The following CEP112 variants were observed in gnomAD, a reference collection of about 807,000 sequenced individuals.
CEP112 encodes the protein centrosomal protein of 112 kDa.
In CEP112, 127 loss-of-function variants were observed where a neutral mutation model predicts 153.0. The ratio of observed to expected loss-of-function variants is 0.83; its 90% confidence interval spans 0.72 to 0.96. The LOEUF (loss-of-function observed/expected upper bound fraction) is 0.96, where lower values mean the gene tolerates loss of function less well. Ranked by LOEUF, CEP112 falls within the 40% of genes least tolerant of loss-of-function variation. The pLI is 0.00. For missense variants in CEP112, 1,089 were observed against 1,101.2 expected (o/e 0.99, Z 0.16); for synonymous variants, 358 against 374.4 (o/e 0.96, Z 0.51).
chr17:65,842,886 AT>A (rs2057575032), intron 21 of CEP112, among the ~76,000 whole-genome samples: 1 of 152,086 alleles, frequency 6.6e-6, no homozygotes, highest in African/African-American at 2.4e-5. Context: ...GCCAATAATT[AT>A]TTTTTAAGGT....
At chr17:66,170,544 C>G (rs1188628293) in intron 4 of CEP112, among the ~76,000 whole-genome samples, 1 of 152,122 alleles carries the variant, frequency 6.6e-6, no homozygotes, top group African/African-American at 2.4e-5. Context: ...GTGGGCATAT[C>G]ACTTAAGGTC....
At chr17:65,859,471 G>GA (rs1568127324) in intron 20 of CEP112, among the ~76,000 whole-genome samples, 3 of 148,084 alleles carry the variant, frequency 2.0e-5, no homozygotes, top group Non-Finnish European at 3.0e-5. Context: ...GAAAAGAAAA[G>GA]AAAAAACATT....
chr17:65,753,357 T>G (rs1480229787), intron 21 of CEP112, among the ~76,000 whole-genome samples: 1 of 152,184 alleles, frequency 6.6e-6, no homozygotes, highest in East Asian at 1.9e-4. Flanking sequence ...TACAAGCCCT[T>G]TGCCTCTTCT....
In CEP112 at chr17:66,088,279, G is replaced by T. The variant is rs1357376061; in HGVS notation, c.768+7972C>A. On this transcript the variant is annotated intron_variant, in intron 8 of 26. Coordinates refer to ENST00000535342, the MANE Select transcript of CEP112 (RefSeq NM_001199165.4). ...ATTTGGCACAATGCAAGATCCCACAGCCCCAGGTTCCAAAGCCAGCCCAGC... is the reference window on the plus strand; with the variant it reads ...ATTTGGCACAATGCAAGATCCCACATCCCCAGGTTCCAAAGCCAGCCCAGC... 2.6e-5 allele frequency among the ~76,000 whole-genome samples: 4 copies of T among 151,942 alleles called. No individual in the cohort carries two copies. In the South Asian group the frequency reaches 6.2e-4, roughly 24 times the overall value.
At chr17:65,768,739 T>C (rs2053157872) in intron 21 of CEP112, among the ~76,000 whole-genome samples, 1 of 152,132 alleles carries the variant, frequency 6.6e-6, no homozygotes, top group Non-Finnish European at 1.5e-5. Context: ...CGATGTCTGA[T>C]TTGATAAAAA....
At chr17:66,129,174 G>A (rs1045217355) in intron 6 of CEP112, among the ~76,000 whole-genome samples, 11 of 151,914 alleles carry the variant, frequency 7.2e-5, no homozygotes, top group African/African-American at 1.9e-4. Context: ...CCAATGCAAC[G>A]CAGCCTGACA....
At chr17:65,991,903 C>T (rs2063610436) in intron 17 of CEP112, among the ~76,000 whole-genome samples, 1 of 152,000 alleles carries the variant, frequency 6.6e-6, no homozygotes, top group Non-Finnish European at 1.5e-5. Flanking sequence ...CCATACAAGA[C>T]CAATTTAACC....
At chr17:65,960,677 G>A (rs2062166502) in intron 18 of CEP112, among the ~76,000 whole-genome samples, 1 of 152,116 alleles carries the variant, frequency 6.6e-6, no homozygotes, top group African/African-American at 2.4e-5. Flanking sequence ...CTCTGCACAT[G>A]GCAAATTCAA....
At chr17:65,862,636 C>T (rs1349286511) in intron 20 of CEP112, among the ~76,000 whole-genome samples, 1 of 152,024 alleles carries the variant, frequency 6.6e-6, no homozygotes, top group Non-Finnish European at 1.5e-5. Context: ...GTGGTCAGTT[C>T]ATGATGTTCA....
intron 12 of CEP112, among the ~76,000 whole-genome samples, chr17:66,038,823 C>T (rs4517829): frequency 0.52 from 78,256 of 151,902 alleles, 21,086 homozygotes; most frequent in African/African-American, 0.59. Flanking sequence ...AGGCATGATA[C>T]TAGGAACTCA....
At chr17:66,169,864 G>A (rs553317107) in intron 4 of CEP112, among the ~76,000 whole-genome samples, 24 of 152,274 alleles carry the variant, frequency 1.6e-4, no homozygotes, top group African/African-American at 5.8e-4. Context: ...ATGTTCTCAT[G>A]TTTCTGCAGG....
chr17:66,021,113 G>GGA (rs1473403542), intron 16 of CEP112, among the ~76,000 whole-genome samples: 1 of 152,124 alleles, frequency 6.6e-6, no homozygotes, highest in African/African-American at 2.4e-5. Context: ...GATATAACTA[G>GGA]GAGAGAGGCC....
At chr17:66,019,414 G>A (rs1302690740) in intron 16 of CEP112, among the ~76,000 whole-genome samples, 1 of 152,098 alleles carries the variant, frequency 6.6e-6, no homozygotes, top group East Asian at 1.9e-4. Context: ...CTATCAAAAA[G>A]GATATTCCCT....
At chr17:66,008,300 C>T (rs2064360372) in intron 16 of CEP112, among the ~76,000 whole-genome samples, 1 of 152,110 alleles carries the variant, frequency 6.6e-6, no homozygotes, top group Non-Finnish European at 1.5e-5. Flanking sequence ...AAGTATACTA[C>T]AGATTATTAT....
At chr17:66,113,264 C>T (rs988290179) in intron 6 of CEP112, among the ~76,000 whole-genome samples, 1 of 151,896 alleles carries the variant, frequency 6.6e-6, no homozygotes, top group South Asian at 2.1e-4. Context: ...TGTATATATA[C>T]ATATATTAGG....
rs188175439 is a variant in CEP112, at chr17:65,680,504, C to T, written c.2697+8625G>A. 1.7e-3 allele frequency among the ~76,000 whole-genome samples: 262 copies of T among 152,216 alleles called. 1 individual carries two copies. The highest frequency in any genetic ancestry group is 6.0e-3 in the African/African-American group (251 of 41,518). On this transcript the variant is annotated intron_variant, in intron 24 of 26. Coordinates refer to ENST00000535342, the MANE Select transcript of CEP112 (RefSeq NM_001199165.4). The stretch of plus-strand genomic sequence containing the variant: ...ACCCTCCCTCTCCCTCTTTCCATCC[C>T]GTCCTTCTTCCTCCCATTAATTCAC...
At chr17:65,935,517 C>T (rs1371169561) in intron 18 of CEP112, among the ~76,000 whole-genome samples, 1 of 152,060 alleles carries the variant, frequency 6.6e-6, no homozygotes, top group Non-Finnish European at 1.5e-5. Context: ...CTATGTTAGG[C>T]TACAAAACAA....
At position 65,650,811 on chromosome 17, in the gene CEP112, C is replaced by T. The variant is rs184483080; in HGVS notation, c.2698-9746G>A. On this transcript the variant is annotated intron_variant, in intron 24 of 26. Transcript: ENST00000535342. Reference sequence around the variant, plus strand: ...AGTCCCAGCTACTCAGGGAGGCTGACGCAGGAGAATCGCTTGAACCCAGGA... The same window carrying T: ...AGTCCCAGCTACTCAGGGAGGCTGATGCAGGAGAATCGCTTGAACCCAGGA... 6.2e-3 allele frequency among the ~76,000 whole-genome samples: 937 copies of T among 150,648 alleles called. 7 individuals carry two copies. Among genetic ancestry groups the T allele is most frequent in the African/African-American group, 0.02 (834 of 40,992 alleles).
At chr17:66,174,965 G>A in intron 4 of CEP112, 79 bp downstream of exon 4, 1 of 1,005,192 alleles carries the variant, frequency 9.9e-7, no homozygotes, top group South Asian at 3.5e-5. Context: ...TAAAAAAAAG[G>A]AAAAACAGAA....
Sources: gnomAD v4.1 joint callset for allele counts (sites outside exome capture counted in the v4.1 genomes callset) on GRCh38, gnomAD v4.1.1 for gene constraint, MANE v1.5 for transcripts, NCBI Gene and HGNC (gene_info 2026-07-23, HGNC 2026-07-21) for gene names.